The following SAXO4 variants were observed in gnomAD, a reference collection of about 807,000 sequenced individuals.
SAXO4 encodes the protein protein phosphatase 1 regulatory subunit 32.
the SAXO4 span, chr11:61,482,575 G>C: frequency 6.2e-7 from 1 of 1,604,646 alleles, no homozygotes. Context: ...CCATCTGTGG[G>C]AGGGTGCAGG....
chr11:61,487,367 T>C, the SAXO4 span: 4 of 801,642 alleles, frequency 5.0e-6, no homozygotes, highest in Non-Finnish European at 8.3e-6. Context: ...CCCAGAAGCA[T>C]ACCCTAAGCC....
the SAXO4 span, chr11:61,486,280 T>C: frequency 7.7e-6 from 12 of 1,566,716 alleles, no homozygotes; most frequent in Admixed American, 3.4e-5. Context: ...GCAGAGTGGG[T>C]GGGAGCCACC....
At chr11:61,486,369 C>A in the SAXO4 span, 21,699 of 1,613,914 alleles carry the variant, frequency 0.013, 658 homozygotes, top group African/African-American at 0.12. Context: ...CAGAGTGTCA[C>A]CAAGTCAGAC....
At chr11:61,484,548 A>T in the SAXO4 span, 3 of 1,088,132 alleles carry the variant, frequency 2.8e-6, no homozygotes, top group Non-Finnish European at 3.9e-6. Context: ...CTAAGCAGAG[A>T]GGGGACATGC....
At chr11:61,488,438 G>T in the SAXO4 span, among the ~76,000 whole-genome samples, 1 of 151,696 alleles carries the variant, frequency 6.6e-6, no homozygotes, top group Admixed American at 6.6e-5. Context: ...CCGAGTAGCT[G>T]GGACTACAGG....
chr11:61,487,050 G>C, the SAXO4 span: 1 of 1,614,040 alleles, frequency 6.2e-7, no homozygotes, highest in Non-Finnish European at 8.5e-7. Flanking sequence ...CCGGGAGACT[G>C]TGGGGAAAAA....
chr11:61,482,499 G>T, the SAXO4 span: 1 of 1,564,614 alleles, frequency 6.4e-7, no homozygotes, highest in South Asian at 1.1e-5. Context: ...CTTGGATGGG[G>T]ACCCTGAGCT....
chr11:61,482,691 C>G, the SAXO4 span: 29 of 1,613,990 alleles, frequency 1.8e-5, no homozygotes, highest in Non-Finnish European at 2.4e-5. Context: ...CTGTGGCCAG[C>G]CAGAGCTACC....
chr11:61,490,502 A>T, the SAXO4 span: 2 of 1,613,880 alleles, frequency 1.2e-6, no homozygotes, highest in Non-Finnish European at 8.5e-7. Context: ...TCCCTGCAGA[A>T]CCCTGACCTC....
At chr11:61,482,602 T>C in the SAXO4 span, 2 of 1,612,782 alleles carry the variant, frequency 1.2e-6, no homozygotes, top group Non-Finnish European at 1.7e-6. Flanking sequence ...GGAAGCTCCT[T>C]AGCAGAGGAC....
At chr11:61,490,011 C>T in the SAXO4 span, 1 of 1,454,326 alleles carries the variant, frequency 6.9e-7, no homozygotes, top group Non-Finnish European at 9.4e-7. Flanking sequence ...CCAGGCCTTT[C>T]CCTTCCTCTC....
chr11:61,484,859 G>T, the SAXO4 span: 1 of 1,518,496 alleles, frequency 6.6e-7, no homozygotes, highest in Non-Finnish European at 8.8e-7. Flanking sequence ...GGGGCAGAGG[G>T]GCCACACCCG....
the SAXO4 span, chr11:61,482,806 G>A: frequency 3.1e-6 from 5 of 1,607,854 alleles, no homozygotes; most frequent in African/African-American, 5.3e-5. Context: ...CCCCACCAAG[G>A]AGGTCAGTGC....
At chr11:61,489,434 G>A in the SAXO4 span, 10 of 552,590 alleles carry the variant, frequency 1.8e-5, no homozygotes, top group South Asian at 2.6e-4. Flanking sequence ...ACCTGGCTGT[G>A]CTCAGTGAAA....
the SAXO4 span, chr11:61,484,575 G>A: frequency 1.5e-6 from 2 of 1,366,056 alleles, no homozygotes; most frequent in Non-Finnish European, 2.0e-6. Flanking sequence ...CATTGTAAAA[G>A]GACCCCCTCT....
At chr11:61,488,494 C>G in the SAXO4 span, among the ~76,000 whole-genome samples, 1 of 151,962 alleles carries the variant, frequency 6.6e-6, no homozygotes, top group Non-Finnish European at 1.5e-5. Context: ...TTAGTAGAGA[C>G]AGGGTTTCAC....
chr11:61,489,522 T>C, the SAXO4 span: 1 of 581,522 alleles, frequency 1.7e-6, no homozygotes. Context: ...CACCCCAAGG[T>C]ACTGGCAGGC....
the SAXO4 span, chr11:61,489,507 G>A: frequency 3.5e-5 from 20 of 576,926 alleles, no homozygotes; most frequent in African/African-American, 3.5e-4. Context: ...ATGAGACGGG[G>A]TCCCCACCCC....
At chr11:61,482,311 G>T in the SAXO4 span, 5 of 1,614,018 alleles carry the variant, frequency 3.1e-6, no homozygotes, top group South Asian at 4.4e-5. Flanking sequence ...CCTCTGGCAG[G>T]TCGGGAGGAT....
Sources: allele counts gnomAD v4.1 joint callset (sites outside exome capture counted in the v4.1 genomes callset), GRCh38; gene constraint gnomAD v4.1.1; transcripts MANE v1.5; gene names NCBI Gene and HGNC (gene_info 2026-07-23, HGNC 2026-07-21).